Variants in EML5 observed in about 807,000 individuals in gnomAD.
EML5 encodes the protein echinoderm microtubule-associated protein-like 5.
A neutral mutation model predicts 250.0 loss-of-function variants in EML5; 120 were observed. That is an observed-to-expected ratio of 0.48 (90% CI 0.41 to 0.56). The LOEUF (loss-of-function observed/expected upper bound fraction) is 0.56, where lower values mean the gene tolerates loss of function less well. Ranked by LOEUF, EML5 falls within the 20% of genes least tolerant of loss-of-function variation. The pLI, the probability that EML5 is intolerant of heterozygous loss-of-function variation, is 0.00. For missense variants in EML5, 2,006 were observed against 2,437.6 expected (o/e 0.82, Z 3.73); for synonymous variants, 771 against 806.5 (o/e 0.96, Z 0.75).
rs376967962 is a variant in EML5, at chr14:88,792,282, G to A, written c.197+25C>T. The stretch of plus-strand genomic sequence containing the variant: ...CTCCGGGAGCGGCTTGCAGGGTGAC[G>A]GCGGCGGCCCCCGCTCCCCGGTACC... On this transcript the variant is annotated intron_variant, in intron 1 of 43. Transcript: ENST00000554922. The surrounding 1 kb of genome is among the most constrained non-coding windows in gnomAD (Gnocchi z 6.9). 2.5e-5 allele frequency: 38 copies of A among 1,543,660 alleles called. No homozygotes were observed. In the African/African-American group the frequency reaches 4.8e-4, roughly 19 times the overall value.
At position 88,706,203 on chromosome 14, in the gene EML5, G is replaced by C. The variant is rs894072862; in HGVS notation, c.1825+56C>G. On this transcript the variant is annotated intron_variant, in intron 11 of 43. Transcript: ENST00000554922. ...ACTTTAATATAAAATTGTTATTTGG[G>C]GGTTACTGAAGAATTATTTGACAGG... The C allele has an allele frequency of 6.2e-6, 9 of 1,447,670 alleles. No homozygotes were observed. The East Asian group carries it at 2.2e-4, about 35-fold the overall frequency. 89.7% of individuals were successfully genotyped at this position (1,447,670 alleles called of 1,614,324 possible). A position where few individuals can be genotyped will look rare whatever the true frequency, so the allele number is the denominator to read the frequency against.
At chr14:88,731,678 T>C (rs1242557705) in intron 7 of EML5, among the ~76,000 whole-genome samples, 5 of 152,176 alleles carry the variant, frequency 3.3e-5, no homozygotes, top group Non-Finnish European at 7.4e-5. Context: ...AGTTTACAGT[T>C]CCACCAACAG....
At position 88,657,401 on chromosome 14, in the gene EML5, G is replaced by A; in HGVS notation, c.3979C>T (p.Gln1327Ter). Reference protein sequence around the residue: ...PMLGIKPHLQQKEPSIDERQG... With the variant: ...PMLGIKPHLQ ...CTTTCATCAATTGAGGGTTCTTTTT[G>A]TTGTAAATGAGGCTTGATTCCTAAC... Residue 1327 changes from glutamine to a stop codon, truncating the protein, a stop_gained, in exon 27 of 44, where the codon CAA becomes TAA. Coordinates refer to ENST00000554922, the MANE Select transcript of EML5 (RefSeq NM_183387.3). LOFTEE classifies it high-confidence loss of function. 1 of 1,583,576 alleles carries A rather than the reference G, an allele frequency of 6.3e-7. No homozygotes were observed. Among genetic ancestry groups the A allele is most frequent in the Non-Finnish European group, 8.6e-7 (1 of 1,162,468 alleles).
intron 24 of EML5, among the ~76,000 whole-genome samples, chr14:88,662,199 T>C (rs1052776897): frequency 1.3e-5 from 2 of 151,896 alleles, no homozygotes; most frequent in Non-Finnish European, 2.9e-5. Context: ...ACTAGAAATT[T>C]AGAACTTTTA....
intron 32 of EML5, among the ~76,000 whole-genome samples, chr14:88,637,270 C>T (rs548744159): frequency 2.8e-4 from 42 of 152,176 alleles, no homozygotes; most frequent in African/African-American, 9.9e-4. Flanking sequence ...CATATATAAT[C>T]TAAAATTTAC....
intron 1 of EML5, among the ~76,000 whole-genome samples, chr14:88,766,606 T>G (rs1031041715): frequency 6.6e-6 from 1 of 152,188 alleles, no homozygotes; most frequent in African/African-American, 2.4e-5. Context: ...TTAGCAATTT[T>G]AATTTCGCCC....
intron 21 of EML5, among the ~76,000 whole-genome samples, chr14:88,678,529 T>C (rs1305412286): frequency 6.6e-6 from 1 of 152,146 alleles, no homozygotes; most frequent in Non-Finnish European, 1.5e-5. Flanking sequence ...TAGACAAAAC[T>C]GGAATTCATG....
chr14:88,760,752 G>A (rs538042777), intron 1 of EML5, among the ~76,000 whole-genome samples: 3 of 152,284 alleles, frequency 2.0e-5, no homozygotes, highest in East Asian at 3.9e-4. Flanking sequence ...GAAGAGAAGT[G>A]ACATCTTAAT....
At chr14:88,646,338 T>G (rs901079322) in intron 29 of EML5, among the ~76,000 whole-genome samples, 3 of 152,170 alleles carry the variant, frequency 2.0e-5, no homozygotes, top group African/African-American at 7.2e-5. Context: ...TCATAAAAAG[T>G]AAACATCCTT....
At chr14:88,721,929 C>A (rs1199774517) in intron 8 of EML5, among the ~76,000 whole-genome samples, 1 of 152,056 alleles carries the variant, frequency 6.6e-6, no homozygotes, top group Non-Finnish European at 1.5e-5. Flanking sequence ...AAGAAAAAAA[C>A]AACCCCATTA....
chr14:88,696,917 T>C lies in EML5; in HGVS notation c.2274A>G (p.Thr758=), dbSNP rs576762637. 8 of 1,605,794 alleles carry C rather than the reference T, an allele frequency of 5.0e-6. No homozygotes were observed. In the East Asian group the frequency reaches 1.8e-4, roughly 36 times the overall value. Residue 758 remains threonine (T), a synonymous_variant, in exon 15 of 44, where the codon ACA becomes ACG. Coordinates refer to ENST00000554922, the MANE Select transcript of EML5 (RefSeq NM_183387.3). ...GRDPSIHIWD[T]ETIKPLSILK... is the part of the protein sequence containing the mutation. ...ATATGGACAATGGTTTAATGGTCTC[T>C]GTATCCCATATATGAATTGAGGGAT...
chr14:88,653,894 T>C (rs562851335), intron 27 of EML5, among the ~76,000 whole-genome samples: 4 of 152,326 alleles, frequency 2.6e-5, no homozygotes, highest in African/African-American at 9.6e-5. Flanking sequence ...GTACTTCTGG[T>C]AGAATTCGGA....
intron 27 of EML5, 36 bp downstream of exon 27, chr14:88,657,340 T>C (rs777224918): frequency 1.3e-6 from 2 of 1,521,360 alleles, no homozygotes; most frequent in Non-Finnish European, 1.8e-6. Context: ...AATGACAATA[T>C]CTTTTTCTTC....
At chr14:88,646,977 G>A in intron 28 of EML5, 22 bp from the exon 29 acceptor site, 1 of 1,588,826 alleles carries the variant, frequency 6.3e-7, no homozygotes, top group Non-Finnish European at 8.5e-7. Flanking sequence ...CAGATAAAGA[G>A]GGAAAAAGAT....
chr14:88,772,686 G>A lies in EML5; in HGVS notation c.198-18015C>T, dbSNP rs181471817. Among the ~76,000 whole-genome samples, 1,405 of 152,120 alleles carry A rather than the reference G, an allele frequency of 9.2e-3. 11 individuals are homozygous for A. The highest frequency in any genetic ancestry group is 0.014 in the Non-Finnish European group (957 of 67,992). On this transcript the variant is annotated intron_variant, in intron 1 of 43. Coordinates refer to ENST00000554922, the MANE Select transcript of EML5 (RefSeq NM_183387.3). ...AAGAATCGCTTGAACCTGGGAGGCGGAGGTTGCAGTGAGCCGAGATCCTGC... is the reference window on the plus strand; with the variant it reads ...AAGAATCGCTTGAACCTGGGAGGCGAAGGTTGCAGTGAGCCGAGATCCTGC...
intron 17 of EML5, among the ~76,000 whole-genome samples, chr14:88,692,837 C>T (rs2092991507): frequency 6.6e-6 from 1 of 152,196 alleles, no homozygotes; most frequent in African/African-American, 2.4e-5. Context: ...AAAATTAATT[C>T]ATGTCCCATG....
intron 29 of EML5, chr14:88,644,859 T>A: frequency 5.9e-6 from 1 of 170,476 alleles, no homozygotes; most frequent in South Asian, 1.5e-4. Flanking sequence ...TACAGGTGTG[T>A]GCCACCACAC....
chr14:88,650,210 C>T lies in EML5; in HGVS notation c.4005-284G>A, dbSNP rs550331146. Reference sequence around the variant, plus strand: ...GCTCATGCCTGTAATCCCAGCACTTCGGGAGGCTGAGGTGGGTGAATCACT... The same window carrying T: ...GCTCATGCCTGTAATCCCAGCACTTTGGGAGGCTGAGGTGGGTGAATCACT... On this transcript the variant is annotated intron_variant, in intron 27 of 43. Coordinates refer to ENST00000554922, the MANE Select transcript of EML5 (RefSeq NM_183387.3). 4.1e-4 allele frequency among the ~76,000 whole-genome samples: 63 copies of T among 152,156 alleles called. 1 individual carries two copies. Among genetic ancestry groups the T allele is most frequent in the African/African-American group, 1.4e-3 (60 of 41,526 alleles).
Position 88,792,538 on chromosome 14 carries a change from C to T in EML5, c.-35G>A, listed in dbSNP as rs1462988823. ...CCCACCCGCCGCTCCCGCTCGGGCC[C>T]GCGGCGGCGACGGGAGGCGGCGGCG... On this transcript the variant is annotated 5_prime_UTR_variant, in exon 1 of 44. Coordinates refer to ENST00000554922, the MANE Select transcript of EML5 (RefSeq NM_183387.3). The surrounding 1 kb of genome is among the most constrained non-coding windows in gnomAD (Gnocchi z 6.9). The T allele has an allele frequency of 8.0e-7, 1 of 1,242,612 alleles. No individual in the cohort carries two copies. Among genetic ancestry groups the T allele is most frequent in the Non-Finnish European group, 1.0e-6 (1 of 988,332 alleles). 77.0% of individuals were successfully genotyped at this position (1,242,612 alleles called of 1,614,324 possible). A position where few individuals can be genotyped will look rare whatever the true frequency, so the allele number is the denominator to read the frequency against.
Sources: gnomAD v4.1 joint callset for allele counts (sites outside exome capture counted in the v4.1 genomes callset) on GRCh38, gnomAD v4.1.1 for gene constraint, Gnocchi (gnomAD v3.1) non-coding constraint, MANE v1.5 for transcripts, NCBI Gene and HGNC (gene_info 2026-07-23, HGNC 2026-07-21) for gene names.